Variants in NRP1 observed in about 807,000 individuals in gnomAD.
NRP1 encodes the protein neuropilin 1.
NRP1 carries 35 observed loss-of-function variants against 106.7 expected under a neutral mutation model. The observed-to-expected ratio is 0.33, with a 90% CI of 0.25 to 0.43. NRP1 has a LOEUF of 0.43. Among genes scored for constraint, NRP1 ranks in the 20% least tolerant of loss-of-function variants. The pLI is 1.00. For missense variants in NRP1, 1,024 were observed against 1,170.4 expected, an observed-to-expected ratio of 0.87 and a Z score of 1.83; for synonymous variants, 437 against 417.9, an observed-to-expected ratio of 1.05 and a Z score of -0.56.
At chr10:33,240,394 A>G (rs755677098) in intron 6 of NRP1, among the ~76,000 whole-genome samples, 1 of 152,216 alleles carries the variant, frequency 6.6e-6, no homozygotes, top group Non-Finnish European at 1.5e-5. Context: ...ACACACTTTT[A>G]CTCAAACAGC....
intron 2 of NRP1, among the ~76,000 whole-genome samples, chr10:33,324,783 G>A (rs779037490): frequency 5.3e-5 from 8 of 152,062 alleles, no homozygotes; most frequent in East Asian, 1.9e-4. Flanking sequence ...GACTACAGGC[G>A]TGCACCACCT....
intron 8 of NRP1, among the ~76,000 whole-genome samples, chr10:33,217,919 T>C (rs1469583428): frequency 2.6e-5 from 4 of 152,204 alleles, no homozygotes; most frequent in African/African-American, 4.8e-5. Context: ...GTAAATCAAA[T>C]ATCCAGTTAA....
At chr10:33,261,917 G>A (rs981525157) in intron 4 of NRP1, among the ~76,000 whole-genome samples, 6 of 152,024 alleles carry the variant, frequency 3.9e-5, no homozygotes, top group Admixed American at 1.3e-4. Context: ...TGTATTTTTC[G>A]TAGAGACAGG....
At chr10:33,334,140 C>G (rs533860559) in intron 1 of NRP1, among the ~76,000 whole-genome samples, 170 bp downstream of exon 1, 1 of 152,332 alleles carries the variant, frequency 6.6e-6, no homozygotes, top group South Asian at 2.1e-4. Flanking sequence ...TCCTCCTGCT[C>G]TAAACCGCCT....
chr10:33,221,674 A>G (rs746331928), intron 8 of NRP1, 45 bp downstream of exon 8: 2 of 1,584,614 alleles, frequency 1.3e-6, no homozygotes, highest in Non-Finnish European at 1.7e-6. Context: ...AAAACAAGAC[A>G]ATCTTCGACT....
intron 2 of NRP1, among the ~76,000 whole-genome samples, chr10:33,277,880 T>G (rs1430810121): frequency 6.6e-6 from 1 of 152,228 alleles, no homozygotes; most frequent in African/African-American, 2.4e-5. Context: ...ATTCATTCAT[T>G]CATTTATGTA....
intron 2 of NRP1, among the ~76,000 whole-genome samples, chr10:33,319,240 T>C (rs1041677502): frequency 3.3e-5 from 5 of 151,910 alleles, no homozygotes; most frequent in African/African-American, 1.2e-4. Context: ...TCTCCTGACC[T>C]CGTGATCCGC....
chr10:33,285,471 T>G (rs1844454678), intron 2 of NRP1, among the ~76,000 whole-genome samples: 1 of 152,172 alleles, frequency 6.6e-6, no homozygotes, highest in African/African-American at 2.4e-5. Flanking sequence ...TGATGAGAAA[T>G]TTTTTCGTGA....
chr10:33,217,649 A>C (rs1217048551), intron 8 of NRP1, among the ~76,000 whole-genome samples: 1 of 152,188 alleles, frequency 6.6e-6, no homozygotes, highest in Non-Finnish European at 1.5e-5. Context: ...AGAAATAATG[A>C]ATAATTTTTT....
In NRP1 at chr10:33,270,658, G is replaced by C; in HGVS notation, c.430+17C>G. ...AACTCTTAGTCATTCTTGTTCTACCGTAAGCTGTTCACTCACCTCTCTTGA... is the reference window on the plus strand; with the variant it reads ...AACTCTTAGTCATTCTTGTTCTACCCTAAGCTGTTCACTCACCTCTCTTGA... On this transcript the variant is annotated intron_variant, in intron 3 of 16. Transcript: ENST00000374867. 1.3e-6 allele frequency: 2 copies of C among 1,599,956 alleles called. No homozygotes were observed. The highest frequency in any genetic ancestry group is 1.7e-6 in the Non-Finnish European group (2 of 1,172,524).
chr10:33,284,575 T>C (rs1470059506), intron 2 of NRP1, among the ~76,000 whole-genome samples: 1 of 152,232 alleles, frequency 6.6e-6, no homozygotes. Flanking sequence ...ATTAATTCTT[T>C]TTTTTCCCTT....
chr10:33,263,626 G>C lies in NRP1; in HGVS notation c.658+20C>G, dbSNP rs1269118578. On this transcript the variant is annotated intron_variant, in intron 4 of 16. Transcript: ENST00000374867. ...TCCTCCAGAACCTTCCCTTTTTGGG[G>C]TGCTTCCTGTCATTCTTACCATCAG... is the stretch of plus-strand genomic sequence containing the variant. The C allele has an allele frequency of 6.3e-7, 1 of 1,582,986 alleles. No homozygotes were observed. The highest frequency in any genetic ancestry group is 8.7e-7 in the Non-Finnish European group (1 of 1,153,584).
chr10:33,230,303 G>T (rs960259767), intron 6 of NRP1, among the ~76,000 whole-genome samples: 2 of 152,252 alleles, frequency 1.3e-5, no homozygotes, highest in Middle Eastern at 3.4e-3. Context: ...TTCATGCCTT[G>T]GTGTTCATAT....
chr10:33,194,625 G>A (rs1013015160), intron 12 of NRP1: 4 of 456,198 alleles, frequency 8.8e-6, no homozygotes, highest in African/African-American at 2.0e-5. Context: ...CAGGTGAACC[G>A]CTCTAAGTTT....
intron 2 of NRP1, among the ~76,000 whole-genome samples, chr10:33,316,358 T>C (rs1303768505): frequency 6.6e-6 from 1 of 152,124 alleles, no homozygotes; most frequent in Admixed American, 6.5e-5. Flanking sequence ...AATGAAGGAA[T>C]CAGTAAAACA....
At chr10:33,186,122 G>A (rs922669822) in intron 14 of NRP1, 95 bp downstream of exon 14, 225 of 1,433,466 alleles carry the variant, frequency 1.6e-4, no homozygotes, top group Middle Eastern at 2.6e-4. Flanking sequence ...AAATAATTTC[G>A]GAATAATTCC....
At chr10:33,221,942 T>C in intron 7 of NRP1, 79 bp from the exon 8 acceptor site, 1 of 1,460,314 alleles carries the variant, frequency 6.8e-7, no homozygotes, top group Non-Finnish European at 9.5e-7. Flanking sequence ...CAAATGGTTG[T>C]AAAAATTATT....
At chr10:33,277,621 C>G (rs1588904452) in intron 2 of NRP1, among the ~76,000 whole-genome samples, 1 of 152,240 alleles carries the variant, frequency 6.6e-6, no homozygotes, top group African/African-American at 2.4e-5. Flanking sequence ...GGGCCACAAC[C>G]TGGCTGCTGT....
At chr10:33,245,609 A>G (rs574209716) in intron 6 of NRP1, among the ~76,000 whole-genome samples, 1 of 152,300 alleles carries the variant, frequency 6.6e-6, no homozygotes, top group South Asian at 2.1e-4. Context: ...CAGAGACTCA[A>G]ATCCATTTTC....
Sources: allele counts gnomAD v4.1 joint callset (sites outside exome capture counted in the v4.1 genomes callset), GRCh38; gene constraint gnomAD v4.1.1; transcripts MANE v1.5; gene names NCBI Gene and HGNC (gene_info 2026-07-23, HGNC 2026-07-21).